Variants in PCDHAC1 observed in about 807,000 individuals in gnomAD.
The protein encoded by PCDHAC1 is protocadherin alpha subfamily C, 1, also known as protocadherin alpha-C1.
In PCDHAC1, 42 loss-of-function variants were observed where a neutral mutation model predicts 60.0. That is an observed-to-expected ratio of 0.70 (90% CI 0.55 to 0.90). PCDHAC1 has a LOEUF of 0.90. Among genes scored for constraint, PCDHAC1 ranks in the 40% least tolerant of loss-of-function variants. The pLI is 0.00. For synonymous variants in PCDHAC1, 468 were observed against 499.3 expected, an observed-to-expected ratio of 0.94 and a Z score of 0.84; for missense variants, 1,160 against 1,222.3, an observed-to-expected ratio of 0.95 and a Z score of 0.76.
At chr5:140,993,460 T>TCACA (rs1554253699) in intron 3 of PCDHAC1, among the ~76,000 whole-genome samples, 76 of 104,564 alleles carry the variant, frequency 7.3e-4, no homozygotes, top group Admixed American at 2.0e-3. Context: ...CTTCTTTCTT[T>TCACA]CTCACACACA....
rs147430561 is a variant in PCDHAC1, at chr5:140,928,238, A to G, written c.1346A>G (p.Gln449Arg). 4.7e-4 allele frequency: 756 copies of G among 1,614,188 alleles called. 4 individuals carry two copies. The African/African-American group carries it at 9.0e-3, about 19-fold the overall frequency. Reference sequence around the variant, plus strand: ...AATACACCAAACTTTCCTCAACCCCAGCAGGAACTTTTCGTTGCTGAAAAC... The same window carrying G: ...AATACACCAAACTTTCCTCAACCCCGGCAGGAACTTTTCGTTGCTGAAAAC... ...NDNTPNFPQP[Q>R]QELFVAENNG... is the part of the protein sequence containing the mutation. Residue 449 changes from glutamine (Q) to arginine (R), a missense_variant, in exon 1 of 4, where the codon CAG (glutamine) becomes CGG (arginine). Physicochemically the swap from Gln to Arg is conservative, Grantham distance 43. Coordinates refer to ENST00000253807, the MANE Select transcript of PCDHAC1 (RefSeq NM_018898.5).
chr5:140,927,460 G>A lies in PCDHAC1; in HGVS notation c.568G>A (p.Ala190Thr). The change falls in exon 1 of 4, where the codon GCA becomes ACA. Residue 190 changes from alanine (A) to threonine (T), a missense_variant. Around this residue, in one of 3 missense-constraint regions of PCDHAC1, gnomAD observed 1,113 missense variants for 1,163.7 expected, o/e 0.96. Coordinates refer to ENST00000253807, the MANE Select transcript of PCDHAC1 (RefSeq NM_018898.5). ...ATACCCGGAGTTGGTGTTGGAGAAA[G>A]CACTGGATCGCGAACAGCGCGCCAC... ...SEYPELVLEK[A>T]LDREQRATHL... 2 of 1,614,148 alleles carry A rather than the reference G, an allele frequency of 1.2e-6. No individual in the cohort carries two copies. The highest frequency in any genetic ancestry group is 1.1e-5 in the South Asian group (1 of 91,090).
chr5:140,941,241 T>TTCTTTCTTTCTTTC (rs1247398838), intron 1 of PCDHAC1, among the ~76,000 whole-genome samples: 1 of 140,458 alleles, frequency 7.1e-6, no homozygotes, highest in Non-Finnish European at 1.5e-5. Flanking sequence ...CTTTCTTTCT[T>TTCTTTCTTTCTTTC]TCTTTCTTTC....
chr5:140,951,922 T>C (rs191831107), intron 1 of PCDHAC1, among the ~76,000 whole-genome samples: 135 of 152,266 alleles, frequency 8.9e-4, no homozygotes, highest in Non-Finnish European at 1.0e-3. Flanking sequence ...AACAAGTTAG[T>C]TACTCCCAAG....
In PCDHAC1 at chr5:140,928,890, CTT is replaced by C; in HGVS notation, c.2000_2001del (p.Phe667Ter). ...SNSVPQLLPD[F>X]EDVWEPGGQL... ...ACTCTGTCCCTCAGTTACTTCCAGA[CTT>C]TGAAGATGTCTGGGAACCAGGAGGG... On this transcript the variant is annotated frameshift_variant, in exon 1 of 4. Coordinates refer to ENST00000253807, the MANE Select transcript of PCDHAC1 (RefSeq NM_018898.5). LOFTEE classifies it high-confidence loss of function. 1 of 1,614,182 alleles carries C rather than the reference CTT, an allele frequency of 6.2e-7. No individual in the cohort carries two copies. Among genetic ancestry groups the C allele is most frequent in the South Asian group, 1.1e-5 (1 of 91,084 alleles).
chr5:141,007,755 CTT>C (rs2098344346), intron 3 of PCDHAC1, among the ~76,000 whole-genome samples: 1 of 152,170 alleles, frequency 6.6e-6, no homozygotes, highest in Non-Finnish European at 1.5e-5. Context: ...ACTTTGGACT[CTT>C]ATTGGCCTGG....
chr5:140,969,428 CAA>C lies in PCDHAC1; in HGVS notation c.2434-9520_2434-9519del, dbSNP rs2096329692. The stretch of plus-strand genomic sequence containing the variant: ...GGCTTTATTGAGTCATTAACAGTGA[CAA>C]GAGTTATCTGGTAAACTGAGTATAT... On this transcript the variant is annotated intron_variant, in intron 1 of 3. Coordinates refer to ENST00000253807, the MANE Select transcript of PCDHAC1 (RefSeq NM_018898.5). 8.4e-6 allele frequency: 13 copies of C among 1,555,028 alleles called. No homozygotes were observed. The East Asian group carries it at 1.4e-4, about 17-fold the overall frequency.
At chr5:140,980,350 G>T (rs1382723470) in intron 2 of PCDHAC1, among the ~76,000 whole-genome samples, 1 of 152,128 alleles carries the variant, frequency 6.6e-6, no homozygotes, top group Admixed American at 6.5e-5. Context: ...TAACTTCCTG[G>T]ACTGGGCGCG....
At chr5:140,989,363 T>A (rs2097339689) in intron 3 of PCDHAC1, among the ~76,000 whole-genome samples, 1 of 152,158 alleles carries the variant, frequency 6.6e-6, no homozygotes, top group Non-Finnish European at 1.5e-5. Flanking sequence ...GTCACCTGTG[T>A]GACTGAGAGC....
intron 3 of PCDHAC1, among the ~76,000 whole-genome samples, chr5:141,000,278 G>A (rs574420053): frequency 6.6e-6 from 1 of 151,194 alleles, no homozygotes; most frequent in South Asian, 2.1e-4. Flanking sequence ...GGGAGGCAGA[G>A]GTGGGAATAT....
chr5:140,935,118 T>G (rs189908862), intron 1 of PCDHAC1, among the ~76,000 whole-genome samples: 6 of 152,324 alleles, frequency 3.9e-5, no homozygotes, highest in Admixed American at 3.3e-4. Flanking sequence ...AGCTTTCACT[T>G]ATTTTTAGTG....
intron 1 of PCDHAC1, chr5:140,966,814 CCGG>C (rs2096057641): frequency 1.9e-6 from 3 of 1,552,444 alleles, no homozygotes; most frequent in Non-Finnish European, 2.6e-6. Flanking sequence ...ATCCACGGCT[CCGG>C]CGGCCCATGC....
intron 1 of PCDHAC1, chr5:140,968,672 G>A: frequency 6.2e-7 from 1 of 1,614,180 alleles, no homozygotes; most frequent in Non-Finnish European, 8.5e-7. Context: ...CTTTAAGGTA[G>A]AGCTGCACAC....
chr5:140,956,060 G>A (rs1021406649), intron 1 of PCDHAC1, among the ~76,000 whole-genome samples: 12 of 152,074 alleles, frequency 7.9e-5, no homozygotes, highest in African/African-American at 2.9e-4. Context: ...GAGACAATGG[G>A]GTTTTCCAGA....
intron 1 of PCDHAC1, among the ~76,000 whole-genome samples, chr5:140,941,126 G>T (rs1194807243): frequency 6.6e-6 from 1 of 151,906 alleles, no homozygotes; most frequent in Non-Finnish European, 1.5e-5. Flanking sequence ...GTCCTTTGAA[G>T]TTCCAGCTTA....
rs1554262618 is a variant in PCDHAC1, at chr5:141,009,958, C to T, written c.*21C>T. On this transcript the variant is annotated 3_prime_UTR_variant, in exon 4 of 4. Transcript: ENST00000253807. The stretch of plus-strand genomic sequence containing the variant: ...AGTGAGGTCCTCAAATGGAAACAAG[C>T]CACTTAGCCAGTTTTTGTAATAATG... 1.3e-6 allele frequency: 2 copies of T among 1,589,012 alleles called. No homozygotes were observed. The highest frequency in any genetic ancestry group is 1.7e-6 in the Non-Finnish European group (2 of 1,171,000).
chr5:140,966,042 G>T (rs1554228004), intron 1 of PCDHAC1, among the ~76,000 whole-genome samples: 1 of 152,152 alleles, frequency 6.6e-6, no homozygotes, highest in Admixed American at 6.5e-5. Context: ...AGTTCCCATC[G>T]CCAGTAACCC....
intron 1 of PCDHAC1, 168 bp downstream of exon 1, chr5:140,929,493 A>G: frequency 9.4e-7 from 1 of 1,059,368 alleles, no homozygotes; most frequent in Non-Finnish European, 1.3e-6. Flanking sequence ...GTATTAGAAG[A>G]TTGCCCTAGG....
intron 1 of PCDHAC1, among the ~76,000 whole-genome samples, chr5:140,978,584 C>G (rs2096810786): frequency 6.6e-6 from 1 of 152,186 alleles, no homozygotes; most frequent in African/African-American, 2.4e-5. Flanking sequence ...TGGGAATGTT[C>G]CCTTAATGGG....
Sources: allele counts gnomAD v4.1 joint callset (sites outside exome capture counted in the v4.1 genomes callset), GRCh38; gene constraint gnomAD v4.1.1; regional missense constraint gnomAD v4.1.1; transcripts MANE v1.5; gene names NCBI Gene and HGNC (gene_info 2026-07-23, HGNC 2026-07-21).